Variants in DLEU7 observed in about 807,000 individuals in gnomAD.
DLEU7 encodes leukemia-associated protein 7.
A neutral mutation model predicts 16.0 loss-of-function variants in DLEU7; 17 were observed. The observed-to-expected ratio is 1.06, with a 90% CI of 0.73 to 1.59. The LOEUF (loss-of-function observed/expected upper bound fraction) is 1.59, where lower values mean the gene tolerates loss of function less well. DLEU7 is among the 40% of genes most tolerant of loss of function. DLEU7 has a pLI of 0.00. For synonymous variants in DLEU7, 113 were observed against 139.8 expected, an observed-to-expected ratio of 0.81 and a Z score of 1.35; for missense variants, 308 against 314.9, an observed-to-expected ratio of 0.98 and a Z score of 0.17.
chr13:50,782,864 G>A (rs1398648748), intron 1 of DLEU7, among the ~76,000 whole-genome samples: 1 of 151,568 alleles, frequency 6.6e-6, no homozygotes, highest in Admixed American at 6.6e-5. Context: ...ATTACTGAAT[G>A]TAGCAGATGC....
chr13:50,773,560 G>C (rs371289875), intron 1 of DLEU7, among the ~76,000 whole-genome samples: 4 of 152,144 alleles, frequency 2.6e-5, no homozygotes, highest in African/African-American at 7.2e-5. Context: ...TTTGCTGGAG[G>C]TCCACTCCAG....
chr13:50,764,370 C>T (rs1374646150), intron 1 of DLEU7, among the ~76,000 whole-genome samples: 2 of 152,216 alleles, frequency 1.3e-5, no homozygotes, highest in Non-Finnish European at 2.9e-5. Flanking sequence ...CCACCAGAAG[C>T]TCATCTTTTC....
At chr13:50,715,889 T>C (rs2796881) in intron 1 of DLEU7, among the ~76,000 whole-genome samples, 38,310 of 151,824 alleles carry the variant, frequency 0.25, 5,973 homozygotes, top group African/African-American at 0.44. Flanking sequence ...AGCAGAAAGG[T>C]AAGTTTGGCT....
chr13:50,756,930 T>C (rs1375052980), intron 1 of DLEU7, among the ~76,000 whole-genome samples: 1 of 152,160 alleles, frequency 6.6e-6, no homozygotes, highest in Non-Finnish European at 1.5e-5. Context: ...CTGGGCTCTC[T>C]AAATTGGCTG....
At chr13:50,747,720 C>T (rs1303124746) in intron 1 of DLEU7, among the ~76,000 whole-genome samples, 1 of 152,080 alleles carries the variant, frequency 6.6e-6, no homozygotes, top group Non-Finnish European at 1.5e-5. Flanking sequence ...CCTATCCCAA[C>T]GAGAAAGATG....
chr13:50,790,915 T>G (rs1387961675), intron 1 of DLEU7, among the ~76,000 whole-genome samples: 1 of 152,132 alleles, frequency 6.6e-6, no homozygotes, highest in African/African-American at 2.4e-5. Context: ...CCAAGCTGAA[T>G]AAGCTCACTT....
At chr13:50,765,792 C>T (rs192442749) in intron 1 of DLEU7, among the ~76,000 whole-genome samples, 32 of 152,246 alleles carry the variant, frequency 2.1e-4, no homozygotes, top group Non-Finnish European at 1.9e-4. Context: ...ATGAAGGAGA[C>T]ATGGCCATTG....
At chr13:50,831,995 C>A (rs1208463707) in intron 1 of DLEU7, among the ~76,000 whole-genome samples, 1 of 152,118 alleles carries the variant, frequency 6.6e-6, no homozygotes, top group African/African-American at 2.4e-5. Flanking sequence ...TGATGCTGGC[C>A]TCATAAAATG....
chr13:50,835,819 A>C (rs1877440289), intron 1 of DLEU7, among the ~76,000 whole-genome samples: 1 of 152,252 alleles, frequency 6.6e-6, no homozygotes, highest in Non-Finnish European at 1.5e-5. Flanking sequence ...ATGCACCTGC[A>C]AAATCTTAAA....
intron 1 of DLEU7, among the ~76,000 whole-genome samples, chr13:50,722,113 C>T (rs899611565): frequency 6.6e-6 from 1 of 152,152 alleles, no homozygotes; most frequent in Admixed American, 6.5e-5. Context: ...TATAAAGAAG[C>T]CCTTTGCCAC....
chr13:50,722,806 G>T (rs115552463), intron 1 of DLEU7, among the ~76,000 whole-genome samples: 102 of 152,160 alleles, frequency 6.7e-4, no homozygotes, highest in African/African-American at 2.4e-3. Context: ...TTATAGATTT[G>T]CATGTAGTTG....
chr13:50,773,792 G>T (rs527448197), intron 1 of DLEU7, among the ~76,000 whole-genome samples: 3 of 152,172 alleles, frequency 2.0e-5, no homozygotes, highest in Non-Finnish European at 2.9e-5. Flanking sequence ...CTGGGAGAAC[G>T]ACTGCTCTCT....
chr13:50,749,891 T>G (rs778042400), intron 1 of DLEU7, among the ~76,000 whole-genome samples: 7 of 152,346 alleles, frequency 4.6e-5, no homozygotes, highest in Non-Finnish European at 1.0e-4. Flanking sequence ...GTGGGTTGTC[T>G]GTTTACTCTG....
At chr13:50,746,772 A>C (rs895391281) in intron 1 of DLEU7, among the ~76,000 whole-genome samples, 1 of 152,176 alleles carries the variant, frequency 6.6e-6, no homozygotes, top group Admixed American at 6.5e-5. Flanking sequence ...GAAGAGAGGC[A>C]GCCTAGTAGA....
intron 1 of DLEU7, among the ~76,000 whole-genome samples, chr13:50,752,691 A>T (rs597128): frequency 6.6e-6 from 1 of 150,520 alleles, no homozygotes; most frequent in Non-Finnish European, 1.5e-5. Flanking sequence ...CATTCCTGCC[A>T]GTGGGTTCGT....
At chr13:50,776,331 A>G (rs532240249) in intron 1 of DLEU7, among the ~76,000 whole-genome samples, 2 of 152,318 alleles carry the variant, frequency 1.3e-5, no homozygotes, top group South Asian at 4.1e-4. Flanking sequence ...TTTGTGTTGA[A>G]TTGCCGGATA....
At chr13:50,772,632 T>C (rs1383812863) in intron 1 of DLEU7, among the ~76,000 whole-genome samples, 1 of 152,242 alleles carries the variant, frequency 6.6e-6, no homozygotes, top group Non-Finnish European at 1.5e-5. Context: ...TGCTGAGAGA[T>C]TCACTGTTAG....
intron 1 of DLEU7, among the ~76,000 whole-genome samples, chr13:50,769,379 T>A (rs1050389932): frequency 2.6e-5 from 4 of 152,196 alleles, no homozygotes; most frequent in Non-Finnish European, 4.4e-5. Flanking sequence ...CTGTCCTGAA[T>A]AGTATTGCCT....
At chr13:50,751,718 A>G (rs140888969) in intron 1 of DLEU7, among the ~76,000 whole-genome samples, 1 of 152,316 alleles carries the variant, frequency 6.6e-6, no homozygotes, top group Non-Finnish European at 1.5e-5. Context: ...GTTTATATGC[A>G]TAAAGGTGTT....
Sources: gnomAD v4.1 joint callset for allele counts (sites outside exome capture counted in the v4.1 genomes callset) on GRCh38, gnomAD v4.1.1 for gene constraint, MANE v1.5 for transcripts, NCBI Gene and HGNC (gene_info 2026-07-23, HGNC 2026-07-21) for gene names.